Variants in USP7 observed in about 807,000 individuals in gnomAD.
USP7 encodes the protein ubiquitin specific peptidase 7.
A neutral mutation model predicts 162.9 loss-of-function variants in USP7; 9 were observed. The observed-to-expected ratio is 0.06, with a 90% CI of 0.03 to 0.10. The LOEUF (loss-of-function observed/expected upper bound fraction) is 0.10. USP7 is among the 10% of genes least tolerant of loss of function. The pLI is 1.00. For missense variants in USP7, 715 were observed against 1,373.7 expected, an observed-to-expected ratio of 0.52 and a Z score of 7.58; for synonymous variants, 562 against 475.9, an observed-to-expected ratio of 1.18 and a Z score of -2.35.
At chr16:8,957,911 A>C (rs1481981271) in intron 1 of USP7, among the ~76,000 whole-genome samples, 1 of 152,226 alleles carries the variant, frequency 6.6e-6, no homozygotes, top group African/African-American at 2.4e-5. Flanking sequence ...AGGATCAAAA[A>C]AACACCATTA....
At chr16:8,944,766 A>C (rs1484947693) in intron 1 of USP7, among the ~76,000 whole-genome samples, 1 of 152,240 alleles carries the variant, frequency 6.6e-6, no homozygotes, top group Non-Finnish European at 1.5e-5. Context: ...CCTGCAATTC[A>C]AGGGCTGTCA....
rs112412316 is a variant in USP7 at position 8,933,131 on chromosome 16, G to C, written c.80-2734C>G. Among the ~76,000 whole-genome samples the C allele has an allele frequency of 3.3e-3, 509 of 152,124 alleles. 3 individuals are homozygous for C. Among genetic ancestry groups the C allele is most frequent in the African/African-American group, 0.011 (441 of 41,492 alleles). On this transcript the variant is annotated intron_variant, in intron 1 of 30. Transcript: ENST00000344836. ...AATTTTGTATTTTTAGTAGAGACAG[G>C]GTTTCATCATGTTGGTCAGACTGGT... is the stretch of plus-strand genomic sequence containing the variant.
intron 10 of USP7, among the ~76,000 whole-genome samples, chr16:8,914,810 T>G (rs1197942163): frequency 6.6e-6 from 1 of 151,456 alleles, no homozygotes; most frequent in African/African-American, 2.4e-5. Flanking sequence ...TCCCAGCCAC[T>G]GGGGAAGCTG....
intron 1 of USP7, among the ~76,000 whole-genome samples, chr16:8,941,458 C>A (rs1236301377): frequency 6.6e-6 from 1 of 152,208 alleles, no homozygotes; most frequent in Non-Finnish European, 1.5e-5. Flanking sequence ...GGGGTAAAGG[C>A]ACGTATCTCC....
At chr16:8,946,631 A>G (rs2141256129) in intron 1 of USP7, among the ~76,000 whole-genome samples, 1 of 152,332 alleles carries the variant, frequency 6.6e-6, no homozygotes, top group African/African-American at 2.4e-5. Context: ...CTGAACTGAC[A>G]CTCTGAAGAG....
rs748729390 is a variant in USP7 at position 8,902,071 on chromosome 16, T to A, written c.2047+11A>T. ...GCTCTAAGTGCAGGCAGGCGTCTCG[T>A]GGGCACTTACGATCTTTATCAAACT... On this transcript the variant is annotated intron_variant, in intron 18 of 30. Transcript: ENST00000344836. 1.2e-5 allele frequency: 20 copies of A among 1,611,892 alleles called. No homozygotes were observed. The highest frequency in any genetic ancestry group is 1.7e-5 in the Non-Finnish European group (20 of 1,178,024).
At chr16:8,918,967 C>T (rs1897529220) in intron 6 of USP7, 64 bp downstream of exon 6, 1 of 1,547,796 alleles carries the variant, frequency 6.5e-7, no homozygotes, top group South Asian at 1.1e-5. Flanking sequence ...GAGGACTTTG[C>T]TCTGATATAC....
rs898995837 is a variant in USP7, at chr16:8,899,447, C to A, written c.2463+157G>T. On this transcript the variant is annotated intron_variant, in intron 22 of 30. Coordinates refer to ENST00000344836, the MANE Select transcript of USP7 (RefSeq NM_003470.3). The stretch of plus-strand genomic sequence containing the variant: ...TTTCTGATGGCGATTATTCTAGCTC[C>A]CAAGGCAGAGAGCCTGAATCCATCA... 4.9e-5 allele frequency: 49 copies of A among 1,007,412 alleles called. 1 individual carries two copies. The highest frequency in any genetic ancestry group is 1.7e-4 in the Admixed American group (6 of 36,022). 62.4% of individuals were successfully genotyped at this position (1,007,412 alleles called of 1,614,324 possible).
intron 2 of USP7, among the ~76,000 whole-genome samples, chr16:8,925,691 T>C (rs1464436670): frequency 1.3e-5 from 2 of 152,168 alleles, no homozygotes; most frequent in South Asian, 4.1e-4. Flanking sequence ...TGACACACAG[T>C]GGTTAGTTCA....
At chr16:8,940,962 A>G (rs1317683779) in intron 1 of USP7, among the ~76,000 whole-genome samples, 1 of 152,182 alleles carries the variant, frequency 6.6e-6, no homozygotes, top group Non-Finnish European at 1.5e-5. Context: ...AGTCAGGAAT[A>G]GCAGGACAGA....
rs1344956015 is a variant in USP7, at chr16:8,916,490, C to A, written c.906+12G>T. On this transcript the variant is annotated intron_variant, in intron 8 of 30. Transcript: ENST00000344836. The stretch of plus-strand genomic sequence containing the variant: ...CATTGTAAGAAATATACAAGTATTG[C>A]TTGAAACTTACCACTCGACAAAGCT... 6.2e-7 allele frequency: 1 copy of A among 1,607,168 alleles called. No individual in the cohort carries two copies. The highest frequency in any genetic ancestry group is 2.2e-5 in the East Asian group (1 of 44,618).
At position 8,894,817 on chromosome 16, in the gene USP7, G is replaced by A; in HGVS notation, c.3078C>T (p.Ser1026=). The part of the protein sequence containing the change: ...HFREVMKRIQ[S]LLDIQEKEFE... ...ACTCCTTCTCCTGGATGTCCAGCAG[G>A]CTCTGGATTCGCTTCATCACTTCTC... Residue 1026 remains serine (S), a synonymous_variant, in exon 29 of 31, where the codon AGC becomes AGT. Coordinates refer to ENST00000344836, the MANE Select transcript of USP7 (RefSeq NM_003470.3). The A allele has an allele frequency of 6.2e-7, 1 of 1,614,188 alleles. No individual in the cohort carries two copies. The highest frequency in any genetic ancestry group is 2.2e-5 in the East Asian group (1 of 44,872).
At chr16:8,955,195 T>C (rs1899735710) in intron 1 of USP7, among the ~76,000 whole-genome samples, 1 of 152,236 alleles carries the variant, frequency 6.6e-6, no homozygotes, top group Non-Finnish European at 1.5e-5. Flanking sequence ...TAAACTTGGG[T>C]TTCTCTTTCC....
At chr16:8,910,240 G>A (rs572941350) in intron 11 of USP7, among the ~76,000 whole-genome samples, 1 of 152,288 alleles carries the variant, frequency 6.6e-6, no homozygotes, top group South Asian at 2.1e-4. Flanking sequence ...CCAAGCGGGG[G>A]CTGGCCACCT....
intron 1 of USP7, among the ~76,000 whole-genome samples, chr16:8,956,948 G>A (rs1323641780): frequency 1.3e-5 from 2 of 152,038 alleles, no homozygotes; most frequent in Non-Finnish European, 2.9e-5. Flanking sequence ...ATCTCTCAGG[G>A]TGCCTTCTCC....
At chr16:8,915,117 C>T (rs1469128347) in intron 10 of USP7, 137 bp downstream of exon 10, 2 of 807,296 alleles carry the variant, frequency 2.5e-6, no homozygotes, top group East Asian at 5.5e-5. Context: ...TGTGTTCACC[C>T]AGTGAGCTGT....
chr16:8,932,042 G>A (rs1596393892), intron 1 of USP7, among the ~76,000 whole-genome samples: 1 of 151,990 alleles, frequency 6.6e-6, no homozygotes, highest in Non-Finnish European at 1.5e-5. Context: ...TCAGCACCAC[G>A]GACAGTGCCA....
chr16:8,952,509 G>A (rs1316179310), intron 1 of USP7, among the ~76,000 whole-genome samples: 2 of 152,060 alleles, frequency 1.3e-5, no homozygotes, highest in African/African-American at 2.4e-5. Flanking sequence ...TGCCGCTTCC[G>A]GGTCCTAGAG....
intron 28 of USP7, 83 bp downstream of exon 28, chr16:8,894,948 G>A (rs1049493488): frequency 6.2e-7 from 1 of 1,613,266 alleles, no homozygotes; most frequent in African/African-American, 1.3e-5. Flanking sequence ...CCTAACCCCA[G>A]CAGGAGCGCA....
Sources: gnomAD v4.1 joint callset for allele counts (sites outside exome capture counted in the v4.1 genomes callset) on GRCh38, gnomAD v4.1.1 for gene constraint, MANE v1.5 for transcripts, NCBI Gene and HGNC (gene_info 2026-07-23, HGNC 2026-07-21) for gene names.